RPUSD3: variants seen among roughly 807,000 people sequenced by gnomAD.
RPUSD3 encodes mitochondrial mRNA pseudouridine synthase RPUSD3.
Under a neutral mutation model 35.1 loss-of-function variants are expected in RPUSD3, and 36 were observed. The observed-to-expected ratio is 1.02, with a 90% confidence interval of 0.79 to 1.35. RPUSD3 has a LOEUF of 1.35. RPUSD3 is among the 40% of genes most tolerant of loss of function. The probability of loss-of-function intolerance (pLI) is 0.00; values close to 1 mark genes in which losing one functional copy is unlikely to be tolerated. For synonymous variants in RPUSD3, 202 were observed against 187.8 expected, an observed-to-expected ratio of 1.08 and a Z score of -0.62; for missense variants, 486 against 441.9, an observed-to-expected ratio of 1.10 and a Z score of -0.89.
At chr3:9,843,673 T>G (rs980132146) in intron 1 of RPUSD3, 72 bp from the exon 2 acceptor site, 1 of 1,573,970 alleles carries the variant, frequency 6.4e-7, no homozygotes, top group Admixed American at 1.9e-5. Context: ...TCCGGACGCC[T>G]CTTCCCAAAT....
chr3:9,843,747 G>C, intron 1 of RPUSD3, 143 bp downstream of exon 1: 1 of 1,539,874 alleles, frequency 6.5e-7, no homozygotes, highest in African/African-American at 1.4e-5. Flanking sequence ...GGTACGACCG[G>C]TCCCATTCTA....
intron 1 of RPUSD3, 68 bp from the exon 2 acceptor site, chr3:9,843,669 C>T: frequency 6.3e-7 from 1 of 1,578,846 alleles, no homozygotes; most frequent in South Asian, 1.1e-5. Context: ...TATCTCCGGA[C>T]GCCTCTTCCC....
exon 5 of RPUSD3, chr3:9,840,786 G>C (rs1559235611): frequency 1.2e-6 from 2 of 1,613,940 alleles, no homozygotes; most frequent in South Asian, 1.1e-5. Context: ...CTGGAGAGGA[G>C]TACAAGCCCA....
At position 9,842,698 on chromosome 3, in the gene RPUSD3, A is replaced by G. The variant is rs531758369; in HGVS notation, c.263-455T>C. The G allele has an allele frequency of 4.6e-4, 104 of 225,376 alleles. 2 individuals are homozygous for G. In the South Asian group the frequency reaches 6.6e-3, roughly 14 times the overall value. The allele number at this position is 225,376 out of a possible 1,614,324, so 14.0% of individuals were successfully genotyped here. A position where few individuals can be genotyped will look rare whatever the true frequency, so the allele number is the denominator to read the frequency against. ...ATATCTATCTTTTTCAGCACTGTAT[A>G]GCCTGCCTAGAACAGTGCCTGGAAC... On this transcript the variant is annotated intron_variant, in intron 2 of 8. Coordinates refer to ENST00000383820, the Ensembl canonical transcript of RPUSD3.
At chr3:9,840,370 C>T in intron 6 of RPUSD3, 63 bp from the exon 7 acceptor site, 4 of 1,613,662 alleles carry the variant, frequency 2.5e-6, no homozygotes, top group Non-Finnish European at 3.4e-6. Flanking sequence ...CCAGACCCTC[C>T]CTGCTCCCAA....
exon 1 of RPUSD3, chr3:9,843,893 G>C (rs1385139327): frequency 6.2e-7 from 1 of 1,603,514 alleles, no homozygotes; most frequent in African/African-American, 1.3e-5. Flanking sequence ...TAATCACCGG[G>C]CTTCGGTGCC....
chr3:9,838,329 A>C, intron 8 of RPUSD3, 122 bp from the exon 9 acceptor site: 13 of 907,132 alleles, frequency 1.4e-5, no homozygotes, highest in Non-Finnish European at 2.2e-5. Flanking sequence ...TGCAACTGTT[A>C]ATCATTTCCT....
exon 4 of RPUSD3, chr3:9,842,022 A>G: frequency 1.9e-6 from 3 of 1,613,914 alleles, no homozygotes; most frequent in East Asian, 2.2e-5. Flanking sequence ...CTGCTCCCTG[A>G]GCCCTAGGGA....
chr3:9,843,561 G>A, exon 2 of RPUSD3: 2 of 1,613,796 alleles, frequency 1.2e-6, no homozygotes, highest in Non-Finnish European at 1.7e-6. Flanking sequence ...TCCCCGAGGG[G>A]CCCCGACCGT....
At position 9,842,017 on chromosome 3, in the gene RPUSD3, C is replaced by G. The variant is rs778701284; in HGVS notation, c.373G>C (p.Glu125Gln). Reference sequence around the variant, plus strand: ...GCTCGGACAACCTGAAGCTCCTGCTCCCTGAGCCCTAGGGACTGGCTCAGC... The same window carrying G: ...GCTCGGACAACCTGAAGCTCCTGCTGCCTGAGCCCTAGGGACTGGCTCAGC... The change falls in exon 4 of 9, where the codon GAG becomes CAG. Residue 125 changes from glutamate to glutamine, a missense_variant. Glu to Gln is a conservative substitution (Grantham distance 29). Coordinates refer to ENST00000383820, the Ensembl canonical transcript of RPUSD3. The G allele has an allele frequency of 1.9e-6, 3 of 1,614,026 alleles. No homozygotes were observed. In the Admixed American group the frequency reaches 5.0e-5, roughly 27 times the overall value.
At chr3:9,842,304 A>C in intron 2 of RPUSD3, 61 bp from the exon 3 acceptor site, 3 of 1,517,170 alleles carry the variant, frequency 2.0e-6, no homozygotes, top group Non-Finnish European at 2.7e-6. Context: ...GCAGCACTAA[A>C]GAGTTTCCAG....
chr3:9,843,301 G>A (rs2082129566), intron 2 of RPUSD3, 164 bp downstream of exon 2: 1 of 906,742 alleles, frequency 1.1e-6, no homozygotes, highest in Admixed American at 2.3e-5. Context: ...CATGGCAGTA[G>A]GGTTAAAAGC....
At chr3:9,843,975 C>A in exon 1 of RPUSD3, 1 of 1,604,482 alleles carries the variant, frequency 6.2e-7, no homozygotes, top group Non-Finnish European at 8.5e-7. Context: ...CGGCCCAAAA[C>A]ACGGCGGCCG....
At chr3:9,843,302 G>A in intron 2 of RPUSD3, 163 bp downstream of exon 2, 1 of 914,422 alleles carries the variant, frequency 1.1e-6, no homozygotes, top group Non-Finnish European at 1.7e-6. Flanking sequence ...ATGGCAGTAG[G>A]GTTAAAAGCG....
At chr3:9,843,693 T>C (rs1438635883) in intron 1 of RPUSD3, 92 bp from the exon 2 acceptor site, 1 of 1,557,080 alleles carries the variant, frequency 6.4e-7, no homozygotes, top group Non-Finnish European at 8.7e-7. Flanking sequence ...TCCTGCGGCC[T>C]CTGACAAATG....
chr3:9,843,469 C>A (rs757258779), exon 2 of RPUSD3: 27 of 1,614,002 alleles, frequency 1.7e-5, no homozygotes, highest in Non-Finnish European at 2.3e-5. Flanking sequence ...CCTCACCTTT[C>A]CGGTCCACCA....
intron 2 of RPUSD3, 181 bp from the exon 3 acceptor site, chr3:9,842,424 T>G: frequency 3.1e-6 from 2 of 652,408 alleles, no homozygotes; most frequent in South Asian, 3.5e-5. Flanking sequence ...CCTCAGAGCC[T>G]CGGCACTTGC....
At chr3:9,838,906 A>G in intron 8 of RPUSD3, 126 bp downstream of exon 8, 1 of 1,304,738 alleles carries the variant, frequency 7.7e-7, no homozygotes, top group Non-Finnish European at 1.1e-6. Flanking sequence ...GTACGGATAC[A>G]GCCTTGGGAG....
At chr3:9,842,386 A>G in intron 2 of RPUSD3, 143 bp from the exon 3 acceptor site, 1 of 793,416 alleles carries the variant, frequency 1.3e-6, no homozygotes. Flanking sequence ...CCCCACACCA[A>G]ATTCAACTTC....
Sources: gnomAD v4.1 joint callset for allele counts on GRCh38, gnomAD v4.1.1 for gene constraint, MANE v1.5 for transcripts, NCBI Gene and HGNC (gene_info 2026-07-23, HGNC 2026-07-21) for gene names.